The following DSCAM variants were observed in gnomAD, a reference collection of about 807,000 sequenced individuals.
DSCAM encodes cell adhesion molecule DSCAM.
In DSCAM, 47 loss-of-function variants were observed where a neutral mutation model predicts 217.7. That is an observed-to-expected ratio of 0.22 (90% confidence interval 0.17 to 0.28). DSCAM has a LOEUF of 0.28. Among genes scored for constraint, DSCAM ranks in the 10% least tolerant of loss-of-function variants. DSCAM has a pLI of 1.00. For synonymous variants in DSCAM, 1,056 were observed against 1,015.3 expected (o/e 1.04, Z -0.76); for missense variants, 2,080 against 2,618.3 (o/e 0.79, Z 4.49).
chr21:40,226,145 G>A (rs991662316), intron 11 of DSCAM, among the ~76,000 whole-genome samples: 3 of 152,126 alleles, frequency 2.0e-5, no homozygotes, highest in Non-Finnish European at 4.4e-5. Context: ...TTAGTACATC[G>A]CAGAGCTGGG....
intron 3 of DSCAM, among the ~76,000 whole-genome samples, chr21:40,472,214 T>G (rs1306862006): frequency 6.6e-6 from 1 of 152,218 alleles, no homozygotes; most frequent in Admixed American, 6.5e-5. Flanking sequence ...GTCAATGGAA[T>G]GAGAATGTGT....
intron 9 of DSCAM, among the ~76,000 whole-genome samples, chr21:40,304,631 TG>T (rs1490559590): frequency 1.3e-5 from 2 of 152,238 alleles, no homozygotes; most frequent in Non-Finnish European, 2.9e-5. Context: ...AGATGTGCAA[TG>T]AATGATTCCT....
chr21:40,147,585 T>C (rs2090372117), intron 16 of DSCAM, among the ~76,000 whole-genome samples: 1 of 152,254 alleles, frequency 6.6e-6, no homozygotes, highest in Non-Finnish European at 1.5e-5. Flanking sequence ...GGAATAATTA[T>C]CTCATTTTGT....
intron 11 of DSCAM, among the ~76,000 whole-genome samples, chr21:40,239,606 T>C (rs1243279274): frequency 6.6e-6 from 1 of 152,116 alleles, no homozygotes. Context: ...TGGGAAGATA[T>C]GATAAAGTAA....
chr21:40,282,282 T>C (rs1601514952), intron 10 of DSCAM, among the ~76,000 whole-genome samples: 1 of 152,050 alleles, frequency 6.6e-6, no homozygotes. Context: ...ATTGAAAAAA[T>C]ATAACTATAA....
chr21:40,663,561 C>A (rs957361908), intron 3 of DSCAM, among the ~76,000 whole-genome samples: 3 of 152,160 alleles, frequency 2.0e-5, no homozygotes, highest in African/African-American at 7.2e-5. Context: ...GGCATGAGAC[C>A]AAGGTCATCA....
intron 2 of DSCAM, among the ~76,000 whole-genome samples, chr21:40,705,688 T>C (rs966264559): frequency 2.5e-4 from 38 of 152,288 alleles, no homozygotes; most frequent in African/African-American, 8.7e-4. Flanking sequence ...ACTTACCCCA[T>C]GATTCAATGA....
Position 40,514,354 on chromosome 21 carries a change from T to C in DSCAM, c.509-145109A>G, listed in dbSNP as rs111957651. On this transcript the variant is annotated intron_variant, in intron 3 of 32. Transcript: ENST00000400454. ...AAAATGAACAAGGCCATCTTATTAA[T>C]TGGACTACATCACCCTTTTTCCTCT... Among the ~76,000 whole-genome samples the C allele has an allele frequency of 3.9e-3, 601 of 152,324 alleles. 1 individual carries two copies. The highest frequency in any genetic ancestry group is 0.013 in the African/African-American group (538 of 41,570).
intron 3 of DSCAM, among the ~76,000 whole-genome samples, chr21:40,397,648 A>G (rs2075192814): frequency 6.6e-6 from 1 of 152,126 alleles, no homozygotes; most frequent in Non-Finnish European, 1.5e-5. Context: ...GAGCAGTAGG[A>G]CCTAGACTGA....
chr21:40,686,913 C>T (rs116229032), intron 3 of DSCAM, among the ~76,000 whole-genome samples: 1 of 152,266 alleles, frequency 6.6e-6, no homozygotes, highest in African/African-American at 2.4e-5. Flanking sequence ...AAAAGTATAA[C>T]ATAATTAATG....
intron 27 of DSCAM, among the ~76,000 whole-genome samples, chr21:40,072,703 C>T (rs749080072): frequency 9.9e-5 from 15 of 152,086 alleles, no homozygotes; most frequent in Non-Finnish European, 1.6e-4. Flanking sequence ...TACAAAATGC[C>T]GAACTGCAGA....
chr21:40,510,340 A>G (rs1223371645), intron 3 of DSCAM, among the ~76,000 whole-genome samples: 1 of 152,244 alleles, frequency 6.6e-6, no homozygotes, highest in Admixed American at 6.5e-5. Context: ...GGCATTTTAG[A>G]TATGACTGGT....
Position 40,044,236 on chromosome 21 carries a change from G to A in DSCAM, c.5225C>T (p.Ala1742Val), listed in dbSNP as rs191369731. ...CCACTGGCTGGCATAGCGGTTTCTCGCTGTGGGCCCAGCCTTGGCATTCCT... is the reference window on the plus strand; with the variant it reads ...CCACTGGCTGGCATAGCGGTTTCTCACTGTGGGCCCAGCCTTGGCATTCCT... Reference protein sequence around the residue: ...TRRNAKAGPTARNRYASQWTL... With the variant: ...TRRNAKAGPTVRNRYASQWTL... The change falls in exon 31 of 33, where the codon GCG becomes GTG. Residue 1742 changes from alanine (A) to valine (V), a missense_variant. Coordinates refer to ENST00000400454, the MANE Select transcript of DSCAM (RefSeq NM_001389.5). The A allele has an allele frequency of 1.4e-4, 225 of 1,614,140 alleles. 1 individual carries two copies. Among genetic ancestry groups the A allele is most frequent in the Middle Eastern group, 9.9e-4 (6 of 6,056 alleles).
chr21:40,263,199 T>A (rs1019893475), intron 11 of DSCAM, among the ~76,000 whole-genome samples: 2 of 152,210 alleles, frequency 1.3e-5, no homozygotes, highest in Non-Finnish European at 2.9e-5. Context: ...CATTTCTGGA[T>A]ATAATGACTC....
At chr21:40,231,326 CAT>C (rs145178736) in intron 11 of DSCAM, among the ~76,000 whole-genome samples, 2,609 of 151,958 alleles carry the variant, frequency 0.017, 40 homozygotes, top group Non-Finnish European at 0.025. Context: ...CCAAAATTGC[CAT>C]TTGCTTGTTC....
intron 3 of DSCAM, among the ~76,000 whole-genome samples, chr21:40,485,494 G>A (rs868105295): frequency 1.1e-4 from 17 of 151,152 alleles, no homozygotes; most frequent in African/African-American, 2.2e-4. Flanking sequence ...CGCCCGCCTC[G>A]GCCTCCCAAA....
At chr21:40,533,604 T>A (rs1322363883) in intron 3 of DSCAM, among the ~76,000 whole-genome samples, 9,725 of 142,132 alleles carry the variant, frequency 0.068, 580 homozygotes, top group African/African-American at 0.16. Context: ...CACCTGTCTG[T>A]CCATCCATCC....
Position 40,144,401 on chromosome 21 carries a change from G to T in DSCAM, c.3259+90C>A. ...GCAGGTCACTGCAAAGTCGTGGGGC[G>T]GGGGAGTGCGAGGTTGGGGGAGCCC... On this transcript the variant is annotated intron_variant, in intron 17 of 32. Transcript: ENST00000400454. This position sits in a 1 kb window ranked among gnomAD's most constrained non-coding sequence, Gnocchi z 4.8. The T allele has an allele frequency of 4.5e-6, 7 of 1,562,102 alleles. No homozygotes were observed. Among genetic ancestry groups the T allele is most frequent in the Non-Finnish European group, 6.1e-6 (7 of 1,149,878 alleles).
chr21:40,821,446 C>A (rs1217989731), intron 1 of DSCAM, among the ~76,000 whole-genome samples: 2 of 151,870 alleles, frequency 1.3e-5, no homozygotes, highest in East Asian at 3.9e-4. Flanking sequence ...AATGCCTAGC[C>A]CTCTTCTCAA....
Sources: gnomAD v4.1 joint callset for allele counts (sites outside exome capture counted in the v4.1 genomes callset) on GRCh38, gnomAD v4.1.1 for gene constraint, Gnocchi (gnomAD v3.1) non-coding constraint, MANE v1.5 for transcripts, NCBI Gene and HGNC (gene_info 2026-07-23, HGNC 2026-07-21) for gene names.